The following SBNO2 variants were observed in gnomAD, a reference collection of about 807,000 sequenced individuals.
SBNO2 encodes the protein protein strawberry notch homolog 2.
A neutral mutation model predicts 146.3 loss-of-function variants in SBNO2; 89 were observed. That is an observed-to-expected ratio of 0.61 (90% CI 0.51 to 0.73). The LOEUF is 0.73. SBNO2 is among the 30% of genes least tolerant of loss of function. The pLI is 0.00. For missense variants in SBNO2, 2,092 were observed against 2,003.7 expected (o/e 1.04, Z -0.84); for synonymous variants, 1,147 against 892.6 (o/e 1.29, Z -5.08).
chr19:1,137,025 G>A (rs1311437747), intron 4 of SBNO2, among the ~76,000 whole-genome samples: 1 of 150,792 alleles, frequency 6.6e-6, no homozygotes, highest in African/African-American at 2.4e-5. Context: ...AGCCCCAGGA[G>A]CCCAGCAGAG....
At chr19:1,111,661 G>C in intron 23 of SBNO2, 47 bp from the exon 24 acceptor site, 1 of 1,424,792 alleles carries the variant, frequency 7.0e-7, no homozygotes, top group Non-Finnish European at 9.7e-7. Flanking sequence ...GAGGAGGCTG[G>C]CTTTCCCTGG....
At chr19:1,153,233 T>TA (rs968553624) in intron 2 of SBNO2, among the ~76,000 whole-genome samples, 1 of 150,174 alleles carries the variant, frequency 6.7e-6, no homozygotes, top group African/African-American at 2.4e-5. Context: ...ATTTTTAATT[T>TA]AAAAATTTTT....
At chr19:1,142,892 G>A (rs938378152) in intron 4 of SBNO2, among the ~76,000 whole-genome samples, 6 of 151,096 alleles carry the variant, frequency 4.0e-5, no homozygotes, top group South Asian at 2.1e-4. Context: ...GCTTGAACCC[G>A]CCAGGCAGAG....
chr19:1,139,394 G>A (rs1484076004), intron 4 of SBNO2, among the ~76,000 whole-genome samples: 1 of 152,118 alleles, frequency 6.6e-6, no homozygotes, highest in Non-Finnish European at 1.5e-5. Context: ...CAATGATCTG[G>A]AATTAGAATT....
chr19:1,147,454 G>T (rs776890107), intron 3 of SBNO2, 34 bp from the exon 4 acceptor site: 2 of 1,179,618 alleles, frequency 1.7e-6, no homozygotes, highest in Non-Finnish European at 2.4e-6. Flanking sequence ...AGGTGAGATG[G>T]GGTGCTCAAC....
chr19:1,120,661 C>T (rs2079890713), intron 11 of SBNO2, among the ~76,000 whole-genome samples: 1 of 151,478 alleles, frequency 6.6e-6, no homozygotes, highest in African/African-American at 2.4e-5. Flanking sequence ...GTGAGCCGTG[C>T]CCAGCCCTAA....
rs1241873570 is a variant in SBNO2 at position 1,109,106 on chromosome 19, T to G, written c.3425+29A>C. The G allele has an allele frequency of 2.6e-6, 4 of 1,545,556 alleles. No individual in the cohort carries two copies. The African/African-American group carries it at 5.5e-5, about 21-fold the overall frequency. ...CGCCTGGGTCGCCGCCATCTGCCGG[T>G]TTCCCCCTGGTCCCCGGCCCGCCCT... On this transcript the variant is annotated intron_variant, in intron 30 of 31. Transcript: ENST00000361757. The surrounding 1 kb of genome is among the most constrained non-coding windows in gnomAD (Gnocchi z 4.2).
At chr19:1,119,814 G>A (rs1568571973) in intron 12 of SBNO2, 92 bp downstream of exon 12, 1 of 1,065,712 alleles carries the variant, frequency 9.4e-7, no homozygotes, top group African/African-American at 1.6e-5. Flanking sequence ...GCAGACGGAG[G>A]CTGAGTACGC....
At position 1,117,473 on chromosome 19, in the gene SBNO2, C is replaced by G. The variant is rs2079847256; in HGVS notation, c.1554G>C (p.Gln518His). The G allele has an allele frequency of 5.0e-6, 8 of 1,587,334 alleles. No individual in the cohort carries two copies. The highest frequency in any genetic ancestry group is 6.8e-6 in the Non-Finnish European group (8 of 1,168,566). Residue 518 changes from glutamine (Q) to histidine (H), a missense_variant, in exon 15 of 32, where the codon CAG becomes CAC. Coordinates refer to ENST00000361757, the MANE Select transcript of SBNO2 (RefSeq NM_014963.3). Reference sequence around the variant, plus strand: ...CCAGGCCGATCCAGTCGGCCGCCTGCTGGAACACGTTCAGGGCCTCGGCCC... The same window carrying G: ...CCAGGCCGATCCAGTCGGCCGCCTGGTGGAACACGTTCAGGGCCTCGGCCC... ...LLWAEALNVF[Q>H]QAADWIGLES...
chr19:1,132,166 C>T (rs1473472988), intron 4 of SBNO2: 4 of 1,449,260 alleles, frequency 2.8e-6, no homozygotes, highest in Non-Finnish European at 3.6e-6. Context: ...AGGGGTCCCC[C>T]AGGAAGCGCT....
At position 1,157,499 on chromosome 19, in the gene SBNO2, A is replaced by G. The variant is rs2080303045; in HGVS notation, c.-126-3097T>C. On this transcript the variant is annotated intron_variant, in intron 1 of 31. Coordinates refer to ENST00000361757, the MANE Select transcript of SBNO2 (RefSeq NM_014963.3). This position sits in a 1 kb window ranked among gnomAD's most constrained non-coding sequence, Gnocchi z 6.8. ...GCCAGCCAAACGTCCAGCGGGCAGC[A>G]GAGCGTGTCCCCTGCCTGGTTTTAT... Among the ~76,000 whole-genome samples the G allele has an allele frequency of 3.3e-5, 5 of 149,294 alleles. No individual in the cohort carries two copies. The South Asian group carries it at 8.8e-4, about 26-fold the overall frequency.
chr19:1,174,048 C>G (rs1456678616), intron 1 of SBNO2, 124 bp downstream of exon 1: 3 of 150,750 alleles, frequency 2.0e-5, no homozygotes, highest in African/African-American at 7.3e-5. Flanking sequence ...GCCCCCGCCC[C>G]ACGGCCCCCA....
chr19:1,170,729 G>A (rs34797682), intron 1 of SBNO2, among the ~76,000 whole-genome samples: 15,427 of 152,034 alleles, frequency 0.1, 913 homozygotes, highest in Middle Eastern at 0.19. Flanking sequence ...CACGCAGCAC[G>A]CACACAACAC....
In SBNO2 at chr19:1,110,806, G is replaced by A. The variant is rs576038773; in HGVS notation, c.2967C>T (p.Asp989=). The A allele has an allele frequency of 9.3e-5, 150 of 1,613,708 alleles. 1 individual carries two copies. In the South Asian group the frequency reaches 1.5e-3, roughly 17 times the overall value. The change falls in exon 26 of 32, where the codon GAC becomes GAT. Residue 989 remains aspartate, a synonymous_variant. Transcript: ENST00000361757. The surrounding 1 kb of genome is among the most constrained non-coding windows in gnomAD (Gnocchi z 4.9). ...CCATCTCGATGAGGTGGTCGAAGGT[G>A]TCTGAGAAGTACTGGAACAGGGCGT... ...KQNALFQYFS[D]TFDHLIEMDK...
intron 1 of SBNO2, among the ~76,000 whole-genome samples, chr19:1,162,510 C>T (rs1299072974): frequency 1.3e-5 from 2 of 151,896 alleles, no homozygotes; most frequent in African/African-American, 2.4e-5. Context: ...ATCTCAACCC[C>T]TGCAAGGTGG....
At chr19:1,129,117 A>T (rs2079999942) in intron 4 of SBNO2, among the ~76,000 whole-genome samples, 1 of 151,992 alleles carries the variant, frequency 6.6e-6, no homozygotes, top group East Asian at 1.9e-4. Flanking sequence ...AAACACAAAA[A>T]TTAGCTGGGC....
At chr19:1,117,868 TGTG>T (rs1370311729) in intron 14 of SBNO2, among the ~76,000 whole-genome samples, 3 of 152,168 alleles carry the variant, frequency 2.0e-5, no homozygotes, top group Non-Finnish European at 4.4e-5. Flanking sequence ...TGGGGCTGGC[TGTG>T]GTGGTCAGGT....
Position 1,150,791 on chromosome 19 carries a change from C to T in SBNO2, c.94-1349G>A, listed in dbSNP as rs768162635. 2.6e-5 allele frequency among the ~76,000 whole-genome samples: 4 copies of T among 152,192 alleles called. No homozygotes were observed. Among genetic ancestry groups the T allele is most frequent in the Non-Finnish European group, 4.4e-5 (3 of 68,014 alleles). The stretch of plus-strand genomic sequence containing the variant: ...CATTCACCTCACACTGGCTGGGAAC[C>T]AGCCCGGATGGCCGGGGGCCACTTT... On this transcript the variant is annotated intron_variant, in intron 2 of 31. Transcript: ENST00000361757. This position sits in a 1 kb window ranked among gnomAD's most constrained non-coding sequence, Gnocchi z 6.2.
At position 1,109,676 on chromosome 19, in the gene SBNO2, T is replaced by G. The variant is rs1392287915; in HGVS notation, c.3123+7A>C. The G allele has an allele frequency of 6.2e-7, 1 of 1,607,518 alleles. No individual in the cohort carries two copies. ...GAGTGTGAGGGGCTGTGGGGCTTCC[T>G]GCTGACCTTGTAGAAGACCACCTGC... On this transcript the variant is annotated splice_region_variant and intron_variant, in intron 27 of 31. Coordinates refer to ENST00000361757, the MANE Select transcript of SBNO2 (RefSeq NM_014963.3). The surrounding 1 kb of genome is among the most constrained non-coding windows in gnomAD (Gnocchi z 4.2).
Sources: gnomAD v4.1 joint callset for allele counts (sites outside exome capture counted in the v4.1 genomes callset) on GRCh38, gnomAD v4.1.1 for gene constraint, Gnocchi (gnomAD v3.1) non-coding constraint, MANE v1.5 for transcripts, NCBI Gene and HGNC (gene_info 2026-07-23, HGNC 2026-07-21) for gene names.